TIAM2: variants seen among roughly 807,000 people sequenced by gnomAD.
The protein encoded by TIAM2 is rho guanine nucleotide exchange factor TIAM2.
Under a neutral mutation model 152.9 loss-of-function variants are expected in TIAM2, and 80 were observed. The observed-to-expected ratio is 0.52, with a 90% CI of 0.44 to 0.63. TIAM2 has a LOEUF of 0.63. Among genes scored for constraint, TIAM2 ranks in the 30% least tolerant of loss-of-function variants. TIAM2 has a pLI of 0.00. For synonymous variants in TIAM2, 804 were observed against 838.0 expected, an observed-to-expected ratio of 0.96 and a Z score of 0.70; for missense variants, 1,965 against 2,120.1, an observed-to-expected ratio of 0.93 and a Z score of 1.44.
In TIAM2 at chr6:155,165,300, C is replaced by T; in HGVS notation, c.2252C>T (p.Thr751Ile). The part of the protein sequence containing the change: ...SRDDSALRKR[T>I]LSLTQRGRNK... ...GATGACTCTGCTCTCCGGAAAAGGACACTGTCACTGACCCAGCGAGGGAGA... is the reference window on the plus strand; with the variant it reads ...GATGACTCTGCTCTCCGGAAAAGGATACTGTCACTGACCCAGCGAGGGAGA... The change falls in exon 9 of 27, where the codon ACA becomes ATA. Residue 751 changes from threonine to isoleucine, a missense_variant. Around this residue, in one of 3 missense-constraint regions of TIAM2, gnomAD observed 1,025 missense variants for 1,119.4 expected, o/e 0.92. Coordinates refer to ENST00000682666, the MANE Select transcript of TIAM2 (RefSeq NM_012454.4). 1 of 1,614,050 alleles carries T rather than the reference C, an allele frequency of 6.2e-7. No individual in the cohort carries two copies. Among genetic ancestry groups the T allele is most frequent in the Non-Finnish European group, 8.5e-7 (1 of 1,180,008 alleles).
intron 21 of TIAM2, 42 bp from the exon 22 acceptor site, chr6:155,250,871 G>C (rs751266699): frequency 7.6e-6 from 12 of 1,582,748 alleles, no homozygotes; most frequent in Non-Finnish European, 1.0e-5. Flanking sequence ...CATCTAGCCT[G>C]GGATTTCCGT....
intron 13 of TIAM2, 45 bp downstream of exon 13, chr6:155,182,363 T>C (rs774205032): frequency 2.5e-5 from 37 of 1,487,128 alleles, no homozygotes; most frequent in Non-Finnish European, 3.3e-5. Context: ...AATTTGAAAC[T>C]GTGGGATACA....
At position 155,059,321 on chromosome 6, in the gene TIAM2, T is replaced by TGTGTGTGTGTGTGCGCGC. The variant is rs1447070905; in HGVS notation, c.-208-30963_-208-30962insTGTGTGTGCGCGCGTGTG. The stretch of plus-strand genomic sequence containing the variant: ...GTGTGTGTGTGTGTGTGTGTGTGTG[T>TGTGTGTGTGTGTGCGCGC]GTGTGCGCGTGTATGTTTTTGAGAC... On this transcript the variant is annotated intron_variant, in intron 1 of 26. Transcript: ENST00000682666. Among the ~76,000 whole-genome samples, 4 of 117,444 alleles carry TGTGTGTGTGTGTGCGCGC rather than the reference T, an allele frequency of 3.4e-5. No individual in the cohort carries two copies. In the East Asian group the frequency reaches 8.6e-4, roughly 25 times the overall value. 77.0% of individuals were successfully genotyped at this position (117,444 alleles called of 152,430 possible).
chr6:155,105,174 T>G (rs1327283892), intron 2 of TIAM2, among the ~76,000 whole-genome samples: 7 of 152,120 alleles, frequency 4.6e-5, no homozygotes, highest in African/African-American at 1.2e-4. Context: ...GCCAGGATGG[T>G]CTCAATCTCC....
intron 1 of TIAM2, among the ~76,000 whole-genome samples, chr6:155,061,455 C>G (rs1308870133): frequency 1.3e-5 from 2 of 152,108 alleles, no homozygotes; most frequent in Non-Finnish European, 1.5e-5. Context: ...TTAGTTTAGC[C>G]TTCCCGCTTT....
intron 1 of TIAM2, among the ~76,000 whole-genome samples, chr6:155,017,589 C>T (rs1401496743): frequency 2.0e-5 from 3 of 149,790 alleles, no homozygotes; most frequent in South Asian, 2.1e-4. Context: ...TTGCAACCTC[C>T]GCCTCCTGGG....
intron 1 of TIAM2, among the ~76,000 whole-genome samples, chr6:155,045,126 C>T (rs900110390): frequency 4.0e-5 from 6 of 148,646 alleles, no homozygotes; most frequent in Admixed American, 3.4e-4. Context: ...TCTCGGCTCA[C>T]TGCAGCCTCT....
rs112370910 is a variant in TIAM2, at chr6:155,203,927, C to T, written c.3065-7277C>T. On this transcript the variant is annotated intron_variant, in intron 14 of 26. Coordinates refer to ENST00000682666, the MANE Select transcript of TIAM2 (RefSeq NM_012454.4). The stretch of plus-strand genomic sequence containing the variant: ...AGAGGTAAAGTTGAGGTCCTGGCCA[C>T]GGGGAGGGGCAGAGGCAATTCTCAG... Among the ~76,000 whole-genome samples, 19 of 152,172 alleles carry T rather than the reference C, an allele frequency of 1.2e-4. 1 individual carries two copies. The highest frequency in any genetic ancestry group is 3.9e-4 in the African/African-American group (16 of 41,516).
intron 1 of TIAM2, among the ~76,000 whole-genome samples, chr6:155,038,468 T>C (rs377477373): frequency 1.3e-5 from 2 of 152,338 alleles, no homozygotes; most frequent in East Asian, 3.9e-4. Flanking sequence ...GTGGGATACA[T>C]GATGCAGAGA....
At chr6:155,159,105 G>A (rs1022610137) in intron 7 of TIAM2, among the ~76,000 whole-genome samples, 2 of 151,566 alleles carry the variant, frequency 1.3e-5, no homozygotes, top group Admixed American at 6.6e-5. Flanking sequence ...TTTCTTTTAT[G>A]TCACCTTCTG....
intron 12 of TIAM2, among the ~76,000 whole-genome samples, chr6:155,180,553 T>C (rs1269063719): frequency 6.6e-6 from 1 of 152,204 alleles, no homozygotes; most frequent in East Asian, 1.9e-4. Context: ...TTAGGATGCC[T>C]TCGTTTTTTA....
At chr6:155,157,537 G>C (rs866811081) in intron 7 of TIAM2, among the ~76,000 whole-genome samples, 2 of 151,860 alleles carry the variant, frequency 1.3e-5, no homozygotes, top group South Asian at 2.1e-4. Flanking sequence ...GAACTCCTGG[G>C]TGCAAGCGAT....
At chr6:155,013,787 G>A (rs1434477016) in intron 1 of TIAM2, 5 of 152,182 alleles carry the variant, frequency 3.3e-5, no homozygotes, top group African/African-American at 4.8e-5. Flanking sequence ...GTCCCAGTCC[G>A]TGGAGGAGCA....
intron 1 of TIAM2, among the ~76,000 whole-genome samples, chr6:155,082,814 A>C (rs897475134): frequency 2.0e-5 from 3 of 151,976 alleles, no homozygotes; most frequent in Non-Finnish European, 4.4e-5. Context: ...GTAGAGAGAG[A>C]GCCTTACTAT....
At chr6:155,158,139 T>C (rs1219450412) in intron 7 of TIAM2, among the ~76,000 whole-genome samples, 1 of 152,152 alleles carries the variant, frequency 6.6e-6, no homozygotes, top group Admixed American at 6.6e-5. Flanking sequence ...AACCTAGTAA[T>C]AGGCAAATGA....
At chr6:155,107,401 G>A (rs1778721459) in intron 2 of TIAM2, among the ~76,000 whole-genome samples, 2 of 152,156 alleles carry the variant, frequency 1.3e-5, no homozygotes, top group African/African-American at 4.8e-5. Flanking sequence ...AGTTGCCTGC[G>A]CCGTTTTACT....
At chr6:155,034,845 C>T (rs954368875) in intron 1 of TIAM2, among the ~76,000 whole-genome samples, 4 of 152,006 alleles carry the variant, frequency 2.6e-5, no homozygotes, top group South Asian at 2.1e-4. Flanking sequence ...CCATTAAGTA[C>T]GATGCTAGCC....
At chr6:155,110,115 AT>A (rs896116350) in intron 2 of TIAM2, among the ~76,000 whole-genome samples, 5 of 149,982 alleles carry the variant, frequency 3.3e-5, no homozygotes, top group Non-Finnish European at 5.9e-5. Context: ...CGCCCGGCTA[AT>A]TTTTTTTTGT....
At chr6:155,238,185 T>G (rs1032223420) in intron 15 of TIAM2, among the ~76,000 whole-genome samples, 1 of 152,218 alleles carries the variant, frequency 6.6e-6, no homozygotes, top group Admixed American at 6.5e-5. Flanking sequence ...AGGGGCAAAA[T>G]GCCGCCAAGC....
Sources: allele counts gnomAD v4.1 joint callset (sites outside exome capture counted in the v4.1 genomes callset), GRCh38; gene constraint gnomAD v4.1.1; regional missense constraint gnomAD v4.1.1; transcripts MANE v1.5; gene names NCBI Gene and HGNC (gene_info 2026-07-23, HGNC 2026-07-21).